Variants in RPH3AL observed in about 807,000 individuals in gnomAD.
RPH3AL encodes rabphilin 3A like (without C2 domains), also known as rab effector Noc2.
RPH3AL carries 38 observed loss-of-function variants against 43.1 expected under a neutral mutation model. The observed-to-expected ratio is 0.88, with a 90% confidence interval of 0.68 to 1.15. RPH3AL has a LOEUF of 1.15. Ranked by LOEUF, RPH3AL falls within the 50% of genes most tolerant of loss-of-function variation. The probability of loss-of-function intolerance (pLI) is 0.00; values close to 1 mark genes in which losing one functional copy is unlikely to be tolerated. For synonymous variants in RPH3AL, 189 were observed against 176.3 expected (o/e 1.07, Z -0.57); for missense variants, 462 against 423.2 (o/e 1.09, Z -0.81).
intron 5 of RPH3AL, among the ~76,000 whole-genome samples, chr17:314,744 C>T (rs2043849203): frequency 1.2e-4 from 6 of 50,266 alleles, no homozygotes; most frequent in African/African-American, 7.7e-4. Context: ...TCTCTGTGCT[C>T]CACCTCCATT....
At chr17:250,118 G>A (rs9797212) in intron 6 of RPH3AL, among the ~76,000 whole-genome samples, 45,322 of 119,262 alleles carry the variant, frequency 0.38, 7,567 homozygotes, top group African/African-American at 0.4. Context: ...AAGCTCCATC[G>A]CTGCGGGACC....
chr17:301,011 G>A (rs983494309), intron 5 of RPH3AL, among the ~76,000 whole-genome samples: 4 of 152,232 alleles, frequency 2.6e-5, no homozygotes, highest in Non-Finnish European at 2.9e-5. Flanking sequence ...ACTCCTCCAC[G>A]TATCCAACTA....
intron 3 of RPH3AL, among the ~76,000 whole-genome samples, chr17:324,784 G>A (rs1319909935): frequency 3.9e-5 from 6 of 152,004 alleles, no homozygotes; most frequent in Non-Finnish European, 7.4e-5. Flanking sequence ...GGAGTGCAAT[G>A]GCACAATCTC....
intron 7 of RPH3AL, among the ~76,000 whole-genome samples, chr17:231,452 G>C (rs2041229261): frequency 6.6e-6 from 1 of 152,240 alleles, no homozygotes; most frequent in African/African-American, 2.4e-5. Flanking sequence ...TGAGCCCCAC[G>C]TGCAAGGCCA....
chr17:293,241 C>A lies in RPH3AL; in HGVS notation c.352-11387G>T, dbSNP rs1239840531. On this transcript the variant is annotated intron_variant, in intron 5 of 9. Transcript: ENST00000331302. Reference sequence around the variant, plus strand: ...GCTCGGCTTCCAAAACACCAAACACCTCCTCCCTCCGCCTGCCACTCATGC... The same window carrying A: ...GCTCGGCTTCCAAAACACCAAACACATCCTCCCTCCGCCTGCCACTCATGC... Among the ~76,000 whole-genome samples the A allele has an allele frequency of 3.3e-5, 5 of 152,276 alleles. No homozygotes were observed. The South Asian group carries it at 1.0e-3, about 32-fold the overall frequency.
Position 328,315 on chromosome 17 carries a change from G to A in RPH3AL, c.-36-736C>T, listed in dbSNP as rs927082131. 1.3e-5 allele frequency among the ~76,000 whole-genome samples: 2 copies of A among 151,574 alleles called. No individual in the cohort carries two copies. The highest frequency in any genetic ancestry group is 4.9e-5 in the African/African-American group (2 of 41,192). On this transcript the variant is annotated intron_variant, in intron 2 of 9. Transcript: ENST00000331302. The surrounding 1 kb of genome is among the most constrained non-coding windows in gnomAD (Gnocchi z 4.2). ...GTCTTTGGTGGTCTGAGGATGCCAC[G>A]CGTGCATTCTGAAGGGAGTGTGGGA... is the stretch of plus-strand genomic sequence containing the variant.
intron 5 of RPH3AL, among the ~76,000 whole-genome samples, chr17:314,406 G>C (rs73284681): frequency 7.6e-6 from 1 of 132,286 alleles, no homozygotes; most frequent in East Asian, 1.9e-4. Context: ...AAGTCTCTGT[G>C]CCCCACCTCC....
chr17:232,905 A>G (rs991711526), intron 7 of RPH3AL, among the ~76,000 whole-genome samples: 1 of 148,576 alleles, frequency 6.7e-6, no homozygotes, highest in Non-Finnish European at 1.5e-5. Flanking sequence ...TATTAGCTTT[A>G]CATTTCAAAA....
At chr17:236,432 A>G (rs1314170195) in intron 7 of RPH3AL, among the ~76,000 whole-genome samples, 1 of 151,752 alleles carries the variant, frequency 6.6e-6, no homozygotes, top group East Asian at 1.9e-4. Context: ...GCCATCCGTT[A>G]TGTTTGACTA....
Position 266,203 on chromosome 17 carries a change from G to GGTGTGTGT in RPH3AL, c.438+15557_438+15564dup, listed in dbSNP as rs35841649. Reference sequence around the variant, plus strand: ...AAAGATGACACTTTAAGGCCCCAGTGGTGTGTGTGTGTGTGTGTGTGTGTG... The same window carrying GGTGTGTGT: ...AAAGATGACACTTTAAGGCCCCAGTGGTGTGTGTGTGTGTGTGTGTGTGTGTGTGTGTG... On this transcript the variant is annotated intron_variant, in intron 6 of 9. Transcript: ENST00000331302. Among the ~76,000 whole-genome samples the GGTGTGTGT allele has an allele frequency of 2.2e-3, 332 of 148,702 alleles. 1 individual carries two copies. Among genetic ancestry groups the GGTGTGTGT allele is most frequent in the Middle Eastern group, 0.017 (5 of 286 alleles).
chr17:332,984 C>CTA (rs2044829446), intron 2 of RPH3AL: 6 of 1,277,704 alleles, frequency 4.7e-6, no homozygotes, highest in Non-Finnish European at 6.1e-6. Context: ...CGAAAAATTC[C>CTA]TAGGGGACAG....
At chr17:232,130 G>A (rs118032834) in intron 7 of RPH3AL, among the ~76,000 whole-genome samples, 24,235 of 152,126 alleles carry the variant, frequency 0.16, 2,381 homozygotes, top group Non-Finnish European at 0.22. Context: ...CAAGCAAGAC[G>A]TGGCCGGGCC....
chr17:344,512 CCAT>C (rs1365529827), intron 1 of RPH3AL, among the ~76,000 whole-genome samples: 2 of 133,050 alleles, frequency 1.5e-5, no homozygotes, highest in African/African-American at 2.6e-5. Context: ...GTCACCACCA[CCAT>C]CATCACTATC....
chr17:316,347 G>C (rs1330212497), intron 5 of RPH3AL, among the ~76,000 whole-genome samples: 3 of 147,746 alleles, frequency 2.0e-5, no homozygotes, highest in African/African-American at 7.7e-5. Flanking sequence ...CTGACCTGTA[G>C]TCTCTGTGCT....
At chr17:348,546 AAAAG>A (rs1334705821) in intron 1 of RPH3AL, among the ~76,000 whole-genome samples, 1 of 149,576 alleles carries the variant, frequency 6.7e-6, no homozygotes, top group Non-Finnish European at 1.5e-5. Flanking sequence ...AAAAAAAAAA[AAAAG>A]TAAAGTGCTA....
At chr17:352,241 C>A (rs972399404) in intron 1 of RPH3AL, among the ~76,000 whole-genome samples, 3 of 152,202 alleles carry the variant, frequency 2.0e-5, no homozygotes, top group African/African-American at 7.2e-5. Flanking sequence ...ATACAAACAG[C>A]TCTCCAACAG....
At chr17:332,885 C>A in intron 2 of RPH3AL, 1 of 646,494 alleles carries the variant, frequency 1.5e-6, no homozygotes, top group Non-Finnish European at 2.3e-6. Context: ...GGCAGATGTT[C>A]CGGAACCCTT....
chr17:281,729 C>T, intron 6 of RPH3AL, 39 bp downstream of exon 6: 1 of 1,489,022 alleles, frequency 6.7e-7, no homozygotes, highest in Non-Finnish European at 9.3e-7. Flanking sequence ...GCATATCCAG[C>T]CCACTCAGCC....
chr17:261,572 G>A (rs1056610311), intron 6 of RPH3AL: 2 of 152,230 alleles, frequency 1.3e-5, no homozygotes, highest in African/African-American at 2.4e-5. Context: ...CCATGGAAAA[G>A]ATAGGCCAGC....
Sources: gnomAD v4.1 joint callset for allele counts (sites outside exome capture counted in the v4.1 genomes callset) on GRCh38, gnomAD v4.1.1 for gene constraint, Gnocchi (gnomAD v3.1) non-coding constraint, MANE v1.5 for transcripts, NCBI Gene and HGNC (gene_info 2026-07-23, HGNC 2026-07-21) for gene names.